Variants in PALLD observed in about 807,000 individuals in gnomAD.
PALLD encodes palladin.
Under a neutral mutation model 123.5 loss-of-function variants are expected in PALLD, and 61 were observed. The ratio of observed to expected loss-of-function variants is 0.49; its 90% CI spans 0.40 to 0.61. The LOEUF (loss-of-function observed/expected upper bound fraction) is 0.61. PALLD is among the 20% of genes least tolerant of loss of function. The pLI, the probability that PALLD is intolerant of heterozygous loss-of-function variation, is 0.00. For synonymous variants in PALLD, 465 were observed against 496.4 expected (o/e 0.94, Z 0.84); for missense variants, 1,273 against 1,377.0 (o/e 0.92, Z 1.20).
At chr4:168,632,017 T>G in intron 2 of PALLD, 1 of 550,046 alleles carries the variant, frequency 1.8e-6, no homozygotes, top group Non-Finnish European at 2.3e-6. Flanking sequence ...TTAGTTGTAG[T>G]GGACTCAGAA....
intron 2 of PALLD, among the ~76,000 whole-genome samples, chr4:168,519,920 G>A (rs901263484): frequency 6.7e-6 from 1 of 149,354 alleles, no homozygotes; most frequent in Non-Finnish European, 1.5e-5. Context: ...TTTTTTCTGT[G>A]TATTTGCACT....
At chr4:168,564,223 CA>C (rs1273772114) in intron 2 of PALLD, among the ~76,000 whole-genome samples, 2 of 152,160 alleles carry the variant, frequency 1.3e-5, no homozygotes, top group Non-Finnish European at 2.9e-5. Context: ...GTCTTTTGTT[CA>C]AATGTTAATA....
Position 168,840,933 on chromosome 4 carries a change from C to T in PALLD, c.1965-49989C>T, listed in dbSNP as rs533658163. On this transcript the variant is annotated intron_variant, in intron 10 of 21. Coordinates refer to ENST00000505667, the MANE Select transcript of PALLD (RefSeq NM_001166108.2). The stretch of plus-strand genomic sequence containing the variant: ...TGGTGTAATCTCGGCTCACTGCAAC[C>T]TCTGCCTCCCAGGGTCAAGCAATTC... Among the ~76,000 whole-genome samples the T allele has an allele frequency of 2.0e-5, 3 of 152,216 alleles. No homozygotes were observed. In the East Asian group the frequency reaches 5.8e-4, roughly 29 times the overall value.
At chr4:168,546,246 C>G (rs1766124983) in intron 2 of PALLD, among the ~76,000 whole-genome samples, 1 of 151,970 alleles carries the variant, frequency 6.6e-6, no homozygotes, top group African/African-American at 2.4e-5. Context: ...GAGCAGTCAG[C>G]AAGATCAGAG....
chr4:168,689,056 GAAGA>G (rs750474734), intron 6 of PALLD, among the ~76,000 whole-genome samples: 4 of 152,154 alleles, frequency 2.6e-5, no homozygotes, highest in Non-Finnish European at 5.9e-5. Flanking sequence ...AAATACGGAA[GAAGA>G]AAGAACGCAA....
At chr4:168,860,311 C>T (rs1749267974) in intron 10 of PALLD, among the ~76,000 whole-genome samples, 2 of 152,214 alleles carry the variant, frequency 1.3e-5, no homozygotes, top group Non-Finnish European at 2.9e-5. Context: ...CCATGCACAG[C>T]TGGACAGAAG....
At chr4:168,595,072 C>T (rs1379109349) in intron 2 of PALLD, among the ~76,000 whole-genome samples, 2 of 152,088 alleles carry the variant, frequency 1.3e-5, no homozygotes, top group East Asian at 1.9e-4. Context: ...TGATAAATGA[C>T]TAATCCAAAA....
Position 168,667,205 on chromosome 4 carries a change from G to A in PALLD, c.909-985G>A, listed in dbSNP as rs553698397. Among the ~76,000 whole-genome samples the A allele has an allele frequency of 8.5e-5, 13 of 152,184 alleles. No individual in the cohort carries two copies. In the South Asian group the frequency reaches 1.0e-3, roughly 12 times the overall value. On this transcript the variant is annotated intron_variant, in intron 2 of 21. Coordinates refer to ENST00000505667, the MANE Select transcript of PALLD (RefSeq NM_001166108.2). ...TAAATACAGAAAAAACATGTCTTCC[G>A]TGTCATATTTCACAAAAGGATGTGA...
intron 10 of PALLD, among the ~76,000 whole-genome samples, chr4:168,889,352 C>T (rs1043183432): frequency 5.3e-5 from 8 of 151,552 alleles, no homozygotes; most frequent in Non-Finnish European, 8.8e-5. Context: ...TTAGTAGAGA[C>T]GGGGTTTTAC....
At chr4:168,544,891 T>G (rs1765992160) in intron 2 of PALLD, among the ~76,000 whole-genome samples, 1 of 152,206 alleles carries the variant, frequency 6.6e-6, no homozygotes, top group African/African-American at 2.4e-5. Context: ...ACGTAAAAGC[T>G]ACTTCAGATT....
intron 2 of PALLD, among the ~76,000 whole-genome samples, chr4:168,662,289 C>CCT: frequency 6.6e-6 from 1 of 152,332 alleles, no homozygotes; most frequent in African/African-American, 2.4e-5. Context: ...CACCCACACT[C>CCT]CTCTCTCAAT....
intron 1 of PALLD, among the ~76,000 whole-genome samples, chr4:168,498,418 C>A (rs1331129239): frequency 6.6e-6 from 1 of 152,154 alleles, no homozygotes; most frequent in African/African-American, 2.4e-5. Context: ...TTGCACTGGA[C>A]AAGTACAATC....
rs1301696797 is a variant in PALLD at position 168,832,059 on chromosome 4, C to T, written c.1965-58863C>T. On this transcript the variant is annotated intron_variant, in intron 10 of 21. Coordinates refer to ENST00000505667, the MANE Select transcript of PALLD (RefSeq NM_001166108.2). Reference sequence around the variant, plus strand: ...GGAGCCTCCTGAGTCACCCGGCGGGCGAGGTATAAAGCCCGATACCTGCCC... The same window carrying T: ...GGAGCCTCCTGAGTCACCCGGCGGGTGAGGTATAAAGCCCGATACCTGCCC... 5 of 985,232 alleles carry T rather than the reference C, an allele frequency of 5.1e-6. No homozygotes were observed. In the South Asian group the frequency reaches 1.9e-4, roughly 37 times the overall value. 61.0% of individuals were successfully genotyped at this position (985,232 alleles called of 1,614,324 possible).
intron 2 of PALLD, among the ~76,000 whole-genome samples, chr4:168,597,302 C>T (rs1463373065): frequency 6.6e-6 from 1 of 152,002 alleles, no homozygotes; most frequent in African/African-American, 2.4e-5. Context: ...GGGAAACAGG[C>T]ACTCTCATAA....
At chr4:168,759,405 A>G (rs191896044) in intron 10 of PALLD, among the ~76,000 whole-genome samples, 1 of 151,470 alleles carries the variant, frequency 6.6e-6, no homozygotes, top group Non-Finnish European at 1.5e-5. Flanking sequence ...TATGAATTCA[A>G]CTTGCTCTAC....
chr4:168,574,976 G>T (rs1312649226), intron 2 of PALLD, among the ~76,000 whole-genome samples: 3 of 152,040 alleles, frequency 2.0e-5, no homozygotes, highest in South Asian at 2.1e-4. Flanking sequence ...TTTCCCAATT[G>T]TTCTATCTGC....
chr4:168,639,750 T>A (rs934940223), intron 2 of PALLD, among the ~76,000 whole-genome samples: 1 of 152,064 alleles, frequency 6.6e-6, no homozygotes, highest in Admixed American at 6.6e-5. Context: ...TTCACCGTGT[T>A]AGCCAGGATG....
At chr4:168,543,684 C>A (rs930293013) in intron 2 of PALLD, among the ~76,000 whole-genome samples, 1 of 152,132 alleles carries the variant, frequency 6.6e-6, no homozygotes, top group Admixed American at 6.5e-5. Context: ...TGAAGGGTAC[C>A]TTCCCACAAC....
chr4:168,672,454 T>C (rs1780376605), intron 3 of PALLD, among the ~76,000 whole-genome samples: 1 of 151,944 alleles, frequency 6.6e-6, no homozygotes, highest in African/African-American at 2.4e-5. Context: ...TTTTTACTTC[T>C]GAGATTAACT....
Sources: allele counts gnomAD v4.1 joint callset (sites outside exome capture counted in the v4.1 genomes callset), GRCh38; gene constraint gnomAD v4.1.1; transcripts MANE v1.5; gene names NCBI Gene and HGNC (gene_info 2026-07-23, HGNC 2026-07-21).